The following SASH1 variants were observed in gnomAD, a reference collection of about 807,000 sequenced individuals.
SASH1 encodes SAM and SH3 domain-containing protein 1.
In SASH1, 44 loss-of-function variants were observed where a neutral mutation model predicts 125.2. The observed-to-expected ratio is 0.35, with a 90% confidence interval of 0.28 to 0.45. SASH1 has a LOEUF of 0.45. SASH1 is among the 20% of genes least tolerant of loss of function. The pLI, the probability that SASH1 is intolerant of heterozygous loss-of-function variation, is 1.00. For missense variants in SASH1, 1,426 were observed against 1,614.5 expected (o/e 0.88, Z 2.00); for synonymous variants, 639 against 649.1 (o/e 0.98, Z 0.24).
chr6:148,376,591 G>A (rs1348245091), intron 1 of SASH1, among the ~76,000 whole-genome samples: 2 of 152,076 alleles, frequency 1.3e-5, no homozygotes, highest in African/African-American at 2.4e-5. Flanking sequence ...GCCATATATG[G>A]TGCCTCATGC....
chr6:148,467,035 A>G (rs1026694766), intron 4 of SASH1, among the ~76,000 whole-genome samples: 1 of 136,180 alleles, frequency 7.3e-6, no homozygotes, highest in Non-Finnish European at 1.5e-5. Context: ...TCCTTCTGGG[A>G]TTTGGACACA....
the SASH1 span, among the ~76,000 whole-genome samples, chr6:148,266,577 G>A: frequency 2.6e-5 from 4 of 152,030 alleles, no homozygotes; most frequent in South Asian, 2.1e-4. Context: ...CAATTCCAAC[G>A]TAAGAGAAGC....
chr6:148,496,663 A>G (rs1380525149), intron 8 of SASH1, among the ~76,000 whole-genome samples: 1 of 152,178 alleles, frequency 6.6e-6, no homozygotes, highest in African/African-American at 2.4e-5. Context: ...ACGCTGAGGC[A>G]GGAGGATCAC....
At chr6:148,434,417 A>G (rs1776207979) in intron 2 of SASH1, among the ~76,000 whole-genome samples, 1 of 152,176 alleles carries the variant, frequency 6.6e-6, no homozygotes, top group Non-Finnish European at 1.5e-5. Flanking sequence ...TTTAGAAAAA[A>G]GTAATGCAAG....
rs547126252 is a variant in SASH1, at chr6:148,396,312, C to G, written c.285+6050C>G. Among the ~76,000 whole-genome samples, 5 of 151,764 alleles carry G rather than the reference C, an allele frequency of 3.3e-5. No homozygotes were observed. The East Asian group carries it at 9.7e-4, about 30-fold the overall frequency. On this transcript the variant is annotated intron_variant, in intron 2 of 19. Transcript: ENST00000367467. ...TGGCTAACATGGTGAAACTCCATCT[C>G]TACCAAAAACACAAAATTAGCCAGG...
chr6:148,508,906 A>G (rs1424157011), intron 8 of SASH1: 9 of 1,214,756 alleles, frequency 7.4e-6, no homozygotes, highest in Middle Eastern at 2.2e-4. Context: ...TCAATGGGAA[A>G]GAAAGAATGT....
At chr6:148,467,105 T>TTG (rs1777876227) in intron 4 of SASH1, among the ~76,000 whole-genome samples, 1 of 125,278 alleles carries the variant, frequency 8.0e-6, no homozygotes, top group South Asian at 2.4e-4. Context: ...TTTTTTTTTT[T>TTG]TTTTTTTTGG....
intron 1 of SASH1, among the ~76,000 whole-genome samples, chr6:148,329,800 C>T (rs1047043201): frequency 2.6e-5 from 4 of 152,044 alleles, no homozygotes; most frequent in Non-Finnish European, 5.9e-5. Flanking sequence ...ATATATGTTT[C>T]TGAGATTCTG....
chr6:148,389,308 A>G lies in SASH1; in HGVS notation c.157-826A>G, dbSNP rs147501398. Among the ~76,000 whole-genome samples, 220 of 152,332 alleles carry G rather than the reference A, an allele frequency of 1.4e-3. 2 individuals are homozygous for G. The highest frequency in any genetic ancestry group is 4.8e-3 in the African/African-American group (200 of 41,582). On this transcript the variant is annotated intron_variant, in intron 1 of 19. Transcript: ENST00000367467. Reference sequence around the variant, plus strand: ...AGACGTGCCTAAGGCCACTTAACCAATACCAGGCGCTATGGAGCTGGGTGG... The same window carrying G: ...AGACGTGCCTAAGGCCACTTAACCAGTACCAGGCGCTATGGAGCTGGGTGG...
chr6:148,469,660 G>A (rs1778008310), intron 5 of SASH1, among the ~76,000 whole-genome samples: 2 of 152,298 alleles, frequency 1.3e-5, no homozygotes, highest in South Asian at 2.1e-4. Context: ...TTGAGCCCAA[G>A]AGTTTGAGGC....
intron 1 of SASH1, among the ~76,000 whole-genome samples, chr6:148,317,543 G>C (rs1280297193): frequency 6.6e-6 from 1 of 152,234 alleles, no homozygotes; most frequent in Admixed American, 6.5e-5. Context: ...TCCTGCCTCA[G>C]CCTCCCGAGT....
At position 148,533,336 on chromosome 6, in the gene SASH1, T is replaced by A. The variant is rs1270318936; in HGVS notation, c.1734+370T>A. Among the ~76,000 whole-genome samples, 2 of 152,176 alleles carry A rather than the reference T, an allele frequency of 1.3e-5. No individual in the cohort carries two copies. Among genetic ancestry groups the A allele is most frequent in the Non-Finnish European group, 2.9e-5 (2 of 68,036 alleles). On this transcript the variant is annotated intron_variant, in intron 14 of 19. Transcript: ENST00000367467. This position sits in a 1 kb window ranked among gnomAD's most constrained non-coding sequence, Gnocchi z 6.2. Reference sequence around the variant, plus strand: ...TTCTGTGTGCTCAGAGGTACCTTTATGGGACAGATGGGGTTCCACAAAGTG... The same window carrying A: ...TTCTGTGTGCTCAGAGGTACCTTTAAGGGACAGATGGGGTTCCACAAAGTG...
At chr6:148,511,268 G>A (rs1780108633) in intron 8 of SASH1, among the ~76,000 whole-genome samples, 1 of 148,570 alleles carries the variant, frequency 6.7e-6, no homozygotes, top group African/African-American at 2.5e-5. Flanking sequence ...TACATTCTTG[G>A]GATAGGTTGT....
the SASH1 span, among the ~76,000 whole-genome samples, chr6:148,261,488 G>A: frequency 1.3e-5 from 2 of 152,176 alleles, no homozygotes; most frequent in African/African-American, 4.8e-5. Context: ...AGTGGAACAC[G>A]TCATGAAAGC....
At chr6:148,384,182 A>G (rs1041133135) in intron 1 of SASH1, among the ~76,000 whole-genome samples, 5 of 152,212 alleles carry the variant, frequency 3.3e-5, no homozygotes, top group African/African-American at 1.2e-4. Flanking sequence ...ATTCTTATAA[A>G]AAGATCGCGT....
rs1776966956 is a variant in SASH1, at chr6:148,449,125, G to C, written c.386+8718G>C. Among the ~76,000 whole-genome samples the C allele has an allele frequency of 2.6e-5, 3 of 114,884 alleles. No individual in the cohort carries two copies. The East Asian group carries it at 7.8e-4, about 30-fold the overall frequency. The allele number at this position is 114,884 out of a possible 152,430, so 75.4% of individuals were successfully genotyped here. A position where few individuals can be genotyped will look rare whatever the true frequency, so the allele number is the denominator to read the frequency against. On this transcript the variant is annotated intron_variant, in intron 4 of 19. Transcript: ENST00000367467. ...AGAGTCTCACCCAGGCTGGAGTGCAGTGGTGCAAATCTCGGCTCACTGCAA... is the reference window on the plus strand; with the variant it reads ...AGAGTCTCACCCAGGCTGGAGTGCACTGGTGCAAATCTCGGCTCACTGCAA...
At chr6:148,530,825 C>T (rs57355703) in intron 12 of SASH1, among the ~76,000 whole-genome samples, 5,530 of 152,256 alleles carry the variant, frequency 0.036, 350 homozygotes, top group African/African-American at 0.13. Context: ...TACTTAGCTA[C>T]TCAAAATGCA....
chr6:148,329,896 G>T (rs1253910062), intron 1 of SASH1, among the ~76,000 whole-genome samples: 1 of 151,922 alleles, frequency 6.6e-6, no homozygotes, highest in Non-Finnish European at 1.5e-5. Flanking sequence ...CTCTTTGTAA[G>T]GGCTGGCAGA....
At chr6:148,490,787 C>A (rs1779075830) in intron 8 of SASH1, among the ~76,000 whole-genome samples, 1 of 152,140 alleles carries the variant, frequency 6.6e-6, no homozygotes, top group Non-Finnish European at 1.5e-5. Flanking sequence ...CCCTTCTTGG[C>A]ACACTTAAAA....
Sources: gnomAD v4.1 joint callset for allele counts (sites outside exome capture counted in the v4.1 genomes callset) on GRCh38, gnomAD v4.1.1 for gene constraint, Gnocchi (gnomAD v3.1) non-coding constraint, MANE v1.5 for transcripts, NCBI Gene and HGNC (gene_info 2026-07-23, HGNC 2026-07-21) for gene names.